MYO18A: variants seen among roughly 807,000 people sequenced by gnomAD.
The protein encoded by MYO18A is myosin XVIIIA.
MYO18A carries 78 observed loss-of-function variants against 235.8 expected under a neutral mutation model. That is an observed-to-expected ratio of 0.33 (90% CI 0.28 to 0.40). The LOEUF (loss-of-function observed/expected upper bound fraction) is 0.40. Ranked by LOEUF, MYO18A falls within the 10% of genes least tolerant of loss-of-function variation. The pLI is 1.00. For missense variants in MYO18A, 2,215 were observed against 2,699.3 expected, an observed-to-expected ratio of 0.82 and a Z score of 3.98; for synonymous variants, 977 against 1,077.8, an observed-to-expected ratio of 0.91 and a Z score of 1.83.
At position 29,114,091 on chromosome 17, in the gene MYO18A, T is replaced by A. The variant is rs1269126597; in HGVS notation, c.2518A>T (p.Ile840Phe). ...TCCAAGTCGTCAAACGCCAGCTCGATGTTCTCCTGGGAAAGAAGGCCGAGC... is the reference window on the plus strand; with the variant it reads ...TCCAAGTCGTCAAACGCCAGCTCGAAGTTCTCCTGGGAAAGAAGGCCGAGC... ...QELERYKEEN[I>F]ELAFDDLEPP... is the part of the protein sequence containing the mutation. Residue 840 changes from isoleucine to phenylalanine, a missense_variant, in exon 15 of 42, where the codon ATC (isoleucine) becomes TTC (phenylalanine). By Grantham distance (21) the Ile-to-Phe change is conservative. Transcript: ENST00000527372. 7 of 1,596,100 alleles carry A rather than the reference T, an allele frequency of 4.4e-6. No individual in the cohort carries two copies. The highest frequency in any genetic ancestry group is 1.6e-4 in the Middle Eastern group (1 of 6,064).
chr17:29,147,472 A>G (rs2067872094), intron 2 of MYO18A, among the ~76,000 whole-genome samples: 1 of 152,120 alleles, frequency 6.6e-6, no homozygotes, highest in African/African-American at 2.4e-5. Context: ...GTGAGTCATG[A>G]TCACACCACT....
rs753762446 is a variant in MYO18A, at chr17:29,098,875, C to T, written c.3731G>A (p.Arg1244Lys). 1.1e-5 allele frequency: 18 copies of T among 1,613,856 alleles called. No individual in the cohort carries two copies. In the Admixed American group the frequency reaches 3.0e-4, roughly 27 times the overall value. The part of the protein sequence containing the change: ...WPWWKLFTTV[R>K]PLIEVQLSEE... ...TGACAGCTGTACTTCGATGAGGGGC[C>T]TCACTGTGGTAAAAAGCTTCCACCA... Residue 1244 changes from arginine to lysine, a missense_variant, in exon 23 of 42, where the codon AGG (arginine) becomes AAG (lysine). Transcript: ENST00000527372.
intron 21 of MYO18A, among the ~76,000 whole-genome samples, chr17:29,101,947 A>C (rs1177426098): frequency 2.0e-5 from 3 of 152,128 alleles, no homozygotes; most frequent in Admixed American, 6.5e-5. Context: ...GAGCCCCCCC[A>C]GAGTCCTTAT....
At chr17:29,102,712 G>T (rs2066684630) in intron 21 of MYO18A, among the ~76,000 whole-genome samples, 1 of 152,230 alleles carries the variant, frequency 6.6e-6, no homozygotes, top group South Asian at 2.1e-4. Flanking sequence ...GGGAGCGATT[G>T]ACAGAGACGA....
chr17:29,088,498 A>G (rs189405674), intron 37 of MYO18A, among the ~76,000 whole-genome samples: 101 of 152,028 alleles, frequency 6.6e-4, no homozygotes, highest in African/African-American at 2.4e-3. Context: ...CCCTACCTAA[A>G]TGCCTGCTCC....
chr17:29,170,466 C>T (rs2068376370), intron 1 of MYO18A, among the ~76,000 whole-genome samples: 1 of 152,204 alleles, frequency 6.6e-6, no homozygotes, highest in African/African-American at 2.4e-5. Flanking sequence ...ACCTCCTGGC[C>T]TCAGGTCCAA....
chr17:29,178,553 C>T (rs886162799), intron 1 of MYO18A, among the ~76,000 whole-genome samples: 6 of 152,046 alleles, frequency 3.9e-5, no homozygotes, highest in African/African-American at 7.2e-5. Flanking sequence ...CTATATATAA[C>T]CCGTCATGTC....
At position 29,074,736 on chromosome 17, in the gene MYO18A, C is replaced by A. The variant is rs1378175279; in HGVS notation, c.*34G>T. On this transcript the variant is annotated 3_prime_UTR_variant, in exon 42 of 42. Coordinates refer to ENST00000527372, the MANE Select transcript of MYO18A (RefSeq NM_078471.4). This position sits in a 1 kb window ranked among gnomAD's most constrained non-coding sequence, Gnocchi z 4.4. ...AGAGGTGCCCAGGCAGCCACAGGCC[C>A]TGGGGTGAGAGGGCTGCCAACCACT... The A allele has an allele frequency of 1.9e-6, 3 of 1,612,352 alleles. No individual in the cohort carries two copies. The South Asian group carries it at 3.3e-5, about 18-fold the overall frequency.
intron 41 of MYO18A, chr17:29,076,806 G>GT (rs2065991629): frequency 6.6e-6 from 1 of 152,242 alleles, no homozygotes; most frequent in African/African-American, 2.4e-5. Flanking sequence ...AGGATCTGCC[G>GT]TTAGGCTAAG....
At chr17:29,086,198 C>A (rs2066249419) in intron 39 of MYO18A, among the ~76,000 whole-genome samples, 1 of 152,212 alleles carries the variant, frequency 6.6e-6, no homozygotes, top group East Asian at 1.9e-4. Flanking sequence ...GCGGGCAGAG[C>A]TGGAGGGCCT....
intron 40 of MYO18A, among the ~76,000 whole-genome samples, chr17:29,085,250 A>C (rs1401086087): frequency 1.3e-5 from 2 of 152,210 alleles, no homozygotes; most frequent in Non-Finnish European, 2.9e-5. Flanking sequence ...TTTTCCCCCC[A>C]GAGAAATAGG....
chr17:29,074,364 C>T lies in MYO18A; in HGVS notation c.*406G>A. 1.4e-6 allele frequency: 1 copy of T among 694,698 alleles called. No individual in the cohort carries two copies. The allele number at this position is 694,698 out of a possible 1,614,324, so 43.0% of individuals were successfully genotyped here. On this transcript the variant is annotated 3_prime_UTR_variant, in exon 42 of 42. Coordinates refer to ENST00000527372, the MANE Select transcript of MYO18A (RefSeq NM_078471.4). The surrounding 1 kb of genome is among the most constrained non-coding windows in gnomAD (Gnocchi z 4.4). ...ACACGAGAGGGAAGGCACTGCTTCT[C>T]CTCCCCCAATCCTCCCCATGGACCC...
chr17:29,136,249 AAATATAT>A lies in MYO18A; in HGVS notation c.1000-14003_1000-13997del, dbSNP rs1432454216. Among the ~76,000 whole-genome samples the A allele has an allele frequency of 2.8e-3, 220 of 77,578 alleles. 1 individual carries two copies. Among genetic ancestry groups the A allele is most frequent in the African/African-American group, 9.2e-3 (206 of 22,486 alleles). 50.9% of individuals were successfully genotyped at this position (77,578 alleles called of 152,430 possible). On this transcript the variant is annotated intron_variant, in intron 2 of 41. Transcript: ENST00000527372. The stretch of plus-strand genomic sequence containing the variant: ...CCATCTCAAAAGAAAAAAAAAAAAA[AAATATAT>A]ATATATATATATATATATGTAATGT...
chr17:29,085,002 C>T (rs181476863), intron 40 of MYO18A, among the ~76,000 whole-genome samples: 7 of 152,186 alleles, frequency 4.6e-5, no homozygotes, highest in Non-Finnish European at 7.3e-5. Flanking sequence ...CCCACGGTAC[C>T]GCAGGGAGTA....
intron 2 of MYO18A, 145 bp downstream of exon 2, chr17:29,165,797 A>G (rs1168410774): frequency 1.2e-6 from 1 of 817,910 alleles, no homozygotes; most frequent in Non-Finnish European, 1.9e-6. Flanking sequence ...ATGCTTCCCC[A>G]CAGGCTCAGA....
At chr17:29,103,720 G>T in intron 20 of MYO18A, 56 bp from the exon 21 acceptor site, 1 of 1,575,016 alleles carries the variant, frequency 6.3e-7, no homozygotes, top group Non-Finnish European at 8.7e-7. Flanking sequence ...CACCATGCAG[G>T]GCTTTCTCCA....
intron 2 of MYO18A, among the ~76,000 whole-genome samples, chr17:29,146,542 A>T (rs1166040140): frequency 6.6e-6 from 1 of 152,194 alleles, no homozygotes; most frequent in Non-Finnish European, 1.5e-5. Flanking sequence ...CAATAAGAAT[A>T]TCCTGGCCAA....
rs149888215 is a variant in MYO18A, at chr17:29,074,203, C to T, written c.*567G>A. The T allele has an allele frequency of 2.4e-4, 385 of 1,587,854 alleles. No individual in the cohort carries two copies. The African/African-American group carries it at 3.4e-3, about 14-fold the overall frequency. On this transcript the variant is annotated 3_prime_UTR_variant, in exon 42 of 42. Coordinates refer to ENST00000527372, the MANE Select transcript of MYO18A (RefSeq NM_078471.4). The surrounding 1 kb of genome is among the most constrained non-coding windows in gnomAD (Gnocchi z 4.4). ...AGGGTGAAGATGGAGATGACATTCC[C>T]GAGTCGTTCTTGGGAGCCCCAGCTA...
At chr17:29,097,116 C>T (rs2066536763) in intron 27 of MYO18A, 107 bp downstream of exon 27, 1 of 1,503,974 alleles carries the variant, frequency 6.6e-7, no homozygotes, top group African/African-American at 1.4e-5. Flanking sequence ...CCTCCCCGAT[C>T]CATTCCAGCC....
Sources: allele counts gnomAD v4.1 joint callset (sites outside exome capture counted in the v4.1 genomes callset), GRCh38; gene constraint gnomAD v4.1.1; non-coding constraint Gnocchi (gnomAD v3.1); transcripts MANE v1.5; gene names NCBI Gene and HGNC (gene_info 2026-07-23, HGNC 2026-07-21).